Variants in INTS2 observed in about 807,000 individuals in gnomAD.
The protein encoded by INTS2 is KIAA1287.
A neutral mutation model predicts 139.6 loss-of-function variants in INTS2; 57 were observed. The observed-to-expected ratio is 0.41, with a 90% CI of 0.33 to 0.51. The LOEUF (loss-of-function observed/expected upper bound fraction) is 0.51. Among genes scored for constraint, INTS2 ranks in the 20% least tolerant of loss-of-function variants. The pLI is 0.28. For missense variants in INTS2, 1,196 were observed against 1,436.7 expected (o/e 0.83, Z 2.71); for synonymous variants, 473 against 493.4 (o/e 0.96, Z 0.55).
At position 61,896,250 on chromosome 17, in the gene INTS2, AAC is replaced by A. The variant is rs1008720615; in HGVS notation, c.1495-869_1495-868del. On this transcript the variant is annotated intron_variant, in intron 11 of 24. Transcript: ENST00000251334. The stretch of plus-strand genomic sequence containing the variant: ...GCAAGACTCCATCTCAAAAAAAAAA[AAC>A]AAAAAAAAAACATTTAATATACTAC... Among the ~76,000 whole-genome samples, 26 of 149,746 alleles carry A rather than the reference AAC, an allele frequency of 1.7e-4. 3 individuals carry two copies. The highest frequency in any genetic ancestry group is 8.4e-4 in the South Asian group (4 of 4,758).
chr17:61,887,183 A>T (rs73332573), intron 15 of INTS2, among the ~76,000 whole-genome samples: 335 of 152,262 alleles, frequency 2.2e-3, no homozygotes, highest in African/African-American at 7.7e-3. Context: ...ACATGAGTTA[A>T]CTATAAGACT....
chr17:61,925,506 G>A (rs1446751624), intron 2 of INTS2, among the ~76,000 whole-genome samples: 1 of 151,988 alleles, frequency 6.6e-6, no homozygotes, highest in African/African-American at 2.4e-5. Context: ...GAACCCAGGA[G>A]GTGGAGGTTG....
intron 7 of INTS2, among the ~76,000 whole-genome samples, chr17:61,908,283 T>C (rs1433481369): frequency 2.0e-5 from 3 of 152,170 alleles, no homozygotes; most frequent in South Asian, 4.2e-4. Context: ...GGTGTGGTGG[T>C]GCATGCCTGT....
chr17:61,879,946 C>G (rs1445429594), intron 17 of INTS2, among the ~76,000 whole-genome samples: 1 of 152,202 alleles, frequency 6.6e-6, no homozygotes, highest in Non-Finnish European at 1.5e-5. Context: ...ATAGGTGTTA[C>G]AGCTCACATT....
In INTS2 at chr17:61,880,890, T is replaced by C. The variant is rs927306175; in HGVS notation, c.2254+117A>G. ...GAGTATTTTATATACTTAAAATACA[T>C]TCACCAAAACATTGTTATATCCATG... On this transcript the variant is annotated intron_variant, in intron 17 of 24. Coordinates refer to ENST00000251334, the MANE Select transcript of INTS2 (RefSeq NM_001351695.2). 5.0e-6 allele frequency: 4 copies of C among 806,826 alleles called. No homozygotes were observed. The African/African-American group carries it at 7.0e-5, about 14-fold the overall frequency. The allele number at this position is 806,826 out of a possible 1,614,324, so 50.0% of individuals were successfully genotyped here.
Position 61,907,565 on chromosome 17 carries a change from T to A in INTS2, c.1024A>T (p.Ile342Phe). 1 of 1,593,930 alleles carries A rather than the reference T, an allele frequency of 6.3e-7. No homozygotes were observed. Among genetic ancestry groups the A allele is most frequent in the Non-Finnish European group, 8.5e-7 (1 of 1,169,704 alleles). Reference sequence around the variant, plus strand: ...CGGGTGCTTCTTACTGTGGGAAGAATGCCCATCAACTCCAGAAGAAGCTGC... The same window carrying A: ...CGGGTGCTTCTTACTGTGGGAAGAAAGCCCATCAACTCCAGAAGAAGCTGC... ...RRQLLLELMGILPTVRSTRIV... is the reference protein window; with the variant it reads ...RRQLLLELMGFLPTVRSTRIV... Residue 342 changes from isoleucine (I) to phenylalanine (F), a missense_variant, in exon 8 of 25, where the codon ATT (isoleucine) becomes TTT (phenylalanine). Transcript: ENST00000251334.
chr17:61,903,174 GA>G (rs551514700), intron 9 of INTS2, among the ~76,000 whole-genome samples: 8,112 of 59,990 alleles, frequency 0.14, 357 homozygotes, highest in South Asian at 0.41. Flanking sequence ...CTCAAAAAAG[GA>G]AAAAAAAAAA....
rs770075202 is a variant in INTS2, at chr17:61,871,554, A to C, written c.2778+711T>G. On this transcript the variant is annotated intron_variant, in intron 20 of 24. Transcript: ENST00000251334. The surrounding 1 kb of genome is among the most constrained non-coding windows in gnomAD (Gnocchi z 4.9). ...AATTTGACATTTGATCTTAAGAAAC[A>C]AATAACTAAGGATTTTGTCTTCTTC... Among the ~76,000 whole-genome samples, 1 of 152,178 alleles carries C rather than the reference A, an allele frequency of 6.6e-6. No individual in the cohort carries two copies. The highest frequency in any genetic ancestry group is 2.4e-5 in the African/African-American group (1 of 41,444).
At chr17:61,925,504 G>C (rs2079701146) in intron 2 of INTS2, among the ~76,000 whole-genome samples, 1 of 152,008 alleles carries the variant, frequency 6.6e-6, no homozygotes, top group African/African-American at 2.4e-5. Context: ...TTGAACCCAG[G>C]AGGTGGAGGT....
chr17:61,912,132 T>A, intron 5 of INTS2, 62 bp from the exon 6 acceptor site: 1 of 1,547,768 alleles, frequency 6.5e-7, no homozygotes, highest in East Asian at 2.3e-5. Context: ...AGATTTCACA[T>A]GACAGAAGAA....
At chr17:61,926,207 CT>C in intron 2 of INTS2, 144 bp downstream of exon 2, 1 of 616,184 alleles carries the variant, frequency 1.6e-6, no homozygotes, top group Non-Finnish European at 2.8e-6. Context: ...GATTCTGGAA[CT>C]GTAACTATAT....
In INTS2 at chr17:61,868,870, AAAG is replaced by A. The variant is rs1218267764; in HGVS notation, c.3244+161_3244+163del. ...TCACATTTGTAAACAGAAGTTTCCA[AAAG>A]AAGAATTCAAAAGACGGCATAAGTT... On this transcript the variant is annotated intron_variant, in intron 23 of 24. Coordinates refer to ENST00000251334, the MANE Select transcript of INTS2 (RefSeq NM_001351695.2). This position sits in a 1 kb window ranked among gnomAD's most constrained non-coding sequence, Gnocchi z 4.7. Among the ~76,000 whole-genome samples the A allele has an allele frequency of 6.6e-6, 1 of 152,222 alleles. No individual in the cohort carries two copies. The highest frequency in any genetic ancestry group is 1.5e-5 in the Non-Finnish European group (1 of 68,022).
At chr17:61,924,689 C>T (rs1371468854) in intron 3 of INTS2, among the ~76,000 whole-genome samples, 4 of 151,854 alleles carry the variant, frequency 2.6e-5, no homozygotes, top group African/African-American at 9.7e-5. Flanking sequence ...ATTAGCTGGG[C>T]GTGGTGGCGG....
Position 61,893,667 on chromosome 17 carries a change from C to T in INTS2, c.1698+98G>A. The T allele has an allele frequency of 1.1e-6, 1 of 896,614 alleles. No homozygotes were observed. Among genetic ancestry groups the T allele is most frequent in the Non-Finnish European group, 1.5e-6 (1 of 666,156 alleles). 55.5% of individuals were successfully genotyped at this position (896,614 alleles called of 1,614,324 possible). A position where few individuals can be genotyped will look rare whatever the true frequency, so the allele number is the denominator to read the frequency against. On this transcript the variant is annotated intron_variant, in intron 13 of 24. Coordinates refer to ENST00000251334, the MANE Select transcript of INTS2 (RefSeq NM_001351695.2). The surrounding 1 kb of genome is among the most constrained non-coding windows in gnomAD (Gnocchi z 5.4). Reference sequence around the variant, plus strand: ...CCAAGACTGCACCACTGCACTCCAACCTGGGTGACTGAGCAAGACTCCATC... The same window carrying T: ...CCAAGACTGCACCACTGCACTCCAATCTGGGTGACTGAGCAAGACTCCATC...
intron 16 of INTS2, 110 bp from the exon 17 acceptor site, chr17:61,881,281 C>G: frequency 1.2e-6 from 1 of 826,448 alleles, no homozygotes; most frequent in Non-Finnish European, 1.8e-6. Flanking sequence ...GAGGGTTATG[C>G]TCTAAGTCAG....
At position 61,906,802 on chromosome 17, in the gene INTS2, T is replaced by C. The variant is rs193039020; in HGVS notation, c.1181+606A>G. ...GAGTTCAAGACAAGCCTGGCCAACA[T>C]GGTGAAACCCCGTCTCTACTAAAAA... On this transcript the variant is annotated intron_variant, in intron 8 of 24. Transcript: ENST00000251334. Among the ~76,000 whole-genome samples the C allele has an allele frequency of 2.2e-4, 30 of 139,328 alleles. No homozygotes were observed. In the East Asian group the frequency reaches 6.3e-3, roughly 29 times the overall value. 91.4% of individuals were successfully genotyped at this position (139,328 alleles called of 152,430 possible).
rs200589304 is a variant in INTS2, at chr17:61,909,815, A to G, written c.954+1705T>C. ...TATACATATATACGTGTGTGTGTAC[A>G]TGTGTGTATGTGTGTGTGTGTGTGT... On this transcript the variant is annotated intron_variant, in intron 7 of 24. Coordinates refer to ENST00000251334, the MANE Select transcript of INTS2 (RefSeq NM_001351695.2). This position sits in a 1 kb window ranked among gnomAD's most constrained non-coding sequence, Gnocchi z 4.9. Among the ~76,000 whole-genome samples the G allele has an allele frequency of 2.8e-5, 2 of 72,510 alleles. No individual in the cohort carries two copies. The highest frequency in any genetic ancestry group is 4.9e-5 in the African/African-American group (1 of 20,600). 47.6% of individuals were successfully genotyped at this position (72,510 alleles called of 152,430 possible).
rs1435670304 is a variant in INTS2, at chr17:61,893,103, T to C, written c.1698+662A>G. ...GCCTGGGCGACAGAGTGAGACCCTG[T>C]CTTTAAAATTAAAAAAAAAAATTAG... is the stretch of plus-strand genomic sequence containing the variant. On this transcript the variant is annotated intron_variant, in intron 13 of 24. Transcript: ENST00000251334. The surrounding 1 kb of genome is among the most constrained non-coding windows in gnomAD (Gnocchi z 5.4). 6.6e-6 allele frequency among the ~76,000 whole-genome samples: 1 copy of C among 151,600 alleles called. No homozygotes were observed. The highest frequency in any genetic ancestry group is 1.5e-5 in the Non-Finnish European group (1 of 67,912).
rs151224341 is a variant in INTS2 at position 61,924,244 on chromosome 17, T to C, written c.432+717A>G. ...CACATACATTTTTCAGTTATTCACA[T>C]TCAGTTATTGAAAATGTTACTTCAT... On this transcript the variant is annotated intron_variant, in intron 3 of 24. Coordinates refer to ENST00000251334, the MANE Select transcript of INTS2 (RefSeq NM_001351695.2). Among the ~76,000 whole-genome samples the C allele has an allele frequency of 2.0e-3, 302 of 152,330 alleles. 2 individuals carry two copies. The highest frequency in any genetic ancestry group is 0.014 in the Middle Eastern group (4 of 294).
Sources: gnomAD v4.1 joint callset for allele counts (sites outside exome capture counted in the v4.1 genomes callset) on GRCh38, gnomAD v4.1.1 for gene constraint, Gnocchi (gnomAD v3.1) non-coding constraint, MANE v1.5 for transcripts, NCBI Gene and HGNC (gene_info 2026-07-23, HGNC 2026-07-21) for gene names.